GRID2: variants seen among roughly 807,000 people sequenced by gnomAD.
GRID2 encodes glutamate receptor ionotropic, delta-2.
A neutral mutation model predicts 114.8 loss-of-function variants in GRID2; 33 were observed. The observed-to-expected ratio is 0.29, with a 90% CI of 0.22 to 0.38. GRID2 has a LOEUF of 0.38. GRID2 is among the 10% of genes least tolerant of loss of function. The probability of loss-of-function intolerance (pLI) is 1.00; values close to 1 mark genes in which losing one functional copy is unlikely to be tolerated. For missense variants in GRID2, 1,184 were observed against 1,257.7 expected (o/e 0.94, Z 0.89); for synonymous variants, 505 against 449.9 (o/e 1.12, Z -1.55).
chr4:92,745,134 A>G (rs1737085635), intron 2 of GRID2, among the ~76,000 whole-genome samples: 1 of 152,234 alleles, frequency 6.6e-6, no homozygotes, highest in Admixed American at 6.5e-5. Context: ...GGAAACTTGT[A>G]GTGTCCAAAT....
chr4:93,437,645 A>AT (rs892678635), intron 10 of GRID2, among the ~76,000 whole-genome samples: 2 of 152,172 alleles, frequency 1.3e-5, no homozygotes, highest in African/African-American at 4.8e-5. Flanking sequence ...TCTTCTTTCC[A>AT]TAAAAAATTA....
intron 1 of GRID2, among the ~76,000 whole-genome samples, chr4:93,793,442 G>T (rs1225920514): frequency 6.6e-6 from 1 of 152,098 alleles, no homozygotes; most frequent in Non-Finnish European, 1.5e-5. Flanking sequence ...CCTGACTTTT[G>T]TGCCTAAATC....
chr4:92,990,655 A>G (rs542473942), intron 2 of GRID2, among the ~76,000 whole-genome samples: 3 of 152,130 alleles, frequency 2.0e-5, no homozygotes, highest in South Asian at 2.1e-4. Context: ...AATGCTACGT[A>G]TATTTACATT....
intron 3 of GRID2, among the ~76,000 whole-genome samples, chr4:93,108,360 A>G (rs1414167613): frequency 6.6e-6 from 1 of 152,170 alleles, no homozygotes; most frequent in Non-Finnish European, 1.5e-5. Context: ...TATTCAACAA[A>G]TGTTTTTGGA....
chr4:93,203,349 C>T (rs1011579475), intron 4 of GRID2, among the ~76,000 whole-genome samples: 6 of 151,922 alleles, frequency 3.9e-5, no homozygotes, highest in African/African-American at 1.5e-4. Flanking sequence ...CATGATGTCA[C>T]AATAATACAT....
intron 10 of GRID2, among the ~76,000 whole-genome samples, chr4:93,435,951 A>G (rs760198599): frequency 6.6e-6 from 1 of 151,826 alleles, no homozygotes; most frequent in Non-Finnish European, 1.5e-5. Flanking sequence ...CTTTATCCCT[A>G]CTTCTCTTTT....
At chr4:93,648,320 C>A (rs6532422) in intron 14 of GRID2, among the ~76,000 whole-genome samples, 42,178 of 151,954 alleles carry the variant, frequency 0.28, 8,283 homozygotes, top group African/African-American at 0.56. Flanking sequence ...TAAAAAGTAA[C>A]ATGGGGAAAA....
At chr4:93,761,801 G>C (rs546099567) in intron 14 of GRID2, among the ~76,000 whole-genome samples, 1 of 152,188 alleles carries the variant, frequency 6.6e-6, no homozygotes, top group South Asian at 2.1e-4. Context: ...ATAAATATTT[G>C]TTGCACTTAA....
intron 11 of GRID2, among the ~76,000 whole-genome samples, chr4:93,487,277 T>C (rs1454716283): frequency 6.6e-6 from 1 of 151,914 alleles, no homozygotes. Context: ...ATTTCTTATC[T>C]ATTTTGTTAA....
At chr4:93,161,844 T>G (rs2149408348) in intron 4 of GRID2, among the ~76,000 whole-genome samples, 1 of 151,898 alleles carries the variant, frequency 6.6e-6, no homozygotes, top group African/African-American at 2.4e-5. Flanking sequence ...TTTTACCAAT[T>G]ATGTTTTCTT....
At chr4:93,218,434 G>C (rs1316345168) in intron 6 of GRID2, among the ~76,000 whole-genome samples, 1 of 152,080 alleles carries the variant, frequency 6.6e-6, no homozygotes, top group African/African-American at 2.4e-5. Context: ...AGCCCTAGAG[G>C]TCGAGGCTGC....
At position 93,698,357 on chromosome 4, in the gene GRID2, G is replaced by A. The variant is rs1304343997; in HGVS notation, c.2361-70853G>A. On this transcript the variant is annotated intron_variant, in intron 14 of 15. Transcript: ENST00000282020. ...TCAACAAACACAACAGCTTGTCTCT[G>A]CAGGGTTTAATAAACCATATTTATC... Among the ~76,000 whole-genome samples, 2 of 152,000 alleles carry A rather than the reference G, an allele frequency of 1.3e-5. 1 individual carries two copies. Among genetic ancestry groups the A allele is most frequent in the Non-Finnish European group, 2.9e-5 (2 of 67,922 alleles).
At chr4:93,042,623 CTCTA>C (rs1309029761) in intron 2 of GRID2, among the ~76,000 whole-genome samples, 116 of 132,552 alleles carry the variant, frequency 8.8e-4, no homozygotes, top group South Asian at 2.5e-3. Flanking sequence ...CTCTCTCTCT[CTCTA>C]TATATATATA....
At chr4:93,259,224 C>T (rs2149545871) in intron 8 of GRID2, among the ~76,000 whole-genome samples, 1 of 151,846 alleles carries the variant, frequency 6.6e-6, no homozygotes, top group South Asian at 2.1e-4. Flanking sequence ...GATTGCCCTA[C>T]AGCACCATGC....
At position 93,430,755 on chromosome 4, in the gene GRID2, G is replaced by A. The variant is rs558356450; in HGVS notation, c.1545+7787G>A. Among the ~76,000 whole-genome samples, 5 of 152,298 alleles carry A rather than the reference G, an allele frequency of 3.3e-5. No homozygotes were observed. In the South Asian group the frequency reaches 8.3e-4, roughly 25 times the overall value. ...ATGCACTAGGTGCAATGATAGAGAA[G>A]CACTAAGAAAGCAACAAGGAAGGTA... On this transcript the variant is annotated intron_variant, in intron 10 of 15. Transcript: ENST00000282020.
chr4:93,380,475 C>G (rs1763748719), intron 8 of GRID2, among the ~76,000 whole-genome samples: 2 of 150,684 alleles, frequency 1.3e-5, no homozygotes, highest in South Asian at 4.2e-4. Context: ...AAGTCGTGAT[C>G]TAGTTTGCCT....
chr4:92,442,081 C>T (rs1367098585), intron 1 of GRID2, among the ~76,000 whole-genome samples: 1 of 150,786 alleles, frequency 6.6e-6, no homozygotes, highest in African/African-American at 2.4e-5. Context: ...GCAAGGGAAA[C>T]AGGCCCTTGA....
intron 3 of GRID2, among the ~76,000 whole-genome samples, chr4:93,096,667 A>T (rs1731254107): frequency 6.6e-6 from 1 of 152,020 alleles, no homozygotes; most frequent in African/African-American, 2.4e-5. Context: ...CATCCACTAG[A>T]TTGGCTGAAG....
At chr4:92,927,764 G>T (rs1749924403) in intron 2 of GRID2, among the ~76,000 whole-genome samples, 1 of 151,674 alleles carries the variant, frequency 6.6e-6, no homozygotes, top group Admixed American at 6.6e-5. Context: ...GATTCTTATG[G>T]AGATATTTAC....
Sources: gnomAD v4.1 joint callset for allele counts (sites outside exome capture counted in the v4.1 genomes callset) on GRCh38, gnomAD v4.1.1 for gene constraint, MANE v1.5 for transcripts, NCBI Gene and HGNC (gene_info 2026-07-23, HGNC 2026-07-21) for gene names.